Variants in ASNS observed in about 807,000 individuals in gnomAD.
ASNS encodes the protein asparagine synthetase [glutamine-hydrolyzing].
Under a neutral mutation model 62.6 loss-of-function variants are expected in ASNS, and 37 were observed. That is an observed-to-expected ratio of 0.59 (90% CI 0.45 to 0.78). ASNS has a LOEUF of 0.78. Among genes scored for constraint, ASNS ranks in the 30% least tolerant of loss-of-function variants. The probability of loss-of-function intolerance (pLI) is 0.00; values close to 1 mark genes in which losing one functional copy is unlikely to be tolerated. For synonymous variants in ASNS, 207 were observed against 237.9 expected, an observed-to-expected ratio of 0.87 and a Z score of 1.19; for missense variants, 520 against 682.4, an observed-to-expected ratio of 0.76 and a Z score of 2.65.
the ASNS span, among the ~76,000 whole-genome samples, chr7:97,915,639 C>T: frequency 2.6e-5 from 4 of 152,144 alleles, no homozygotes; most frequent in Admixed American, 6.5e-5. Flanking sequence ...TGTGGCCAGG[C>T]GTCCCTGAGG....
chr7:97,859,174 T>C (rs771959955), intron 5 of ASNS, 39 bp downstream of exon 5: 2 of 1,559,306 alleles, frequency 1.3e-6, no homozygotes, highest in Non-Finnish European at 1.7e-6. Context: ...TTTTTTCCCT[T>C]GGAGAAGGAT....
Position 97,858,126 on chromosome 7 carries a change from C to A in ASNS, c.903+152G>T, listed in dbSNP as rs538264133. The stretch of plus-strand genomic sequence containing the variant: ...AGTGTACAACACAGTGCATATCCAA[C>A]AGCCATTTCATTCTATTTTAATACA... On this transcript the variant is annotated intron_variant, in intron 7 of 12. Coordinates refer to ENST00000394308, the MANE Select transcript of ASNS (RefSeq NM_001673.5). The A allele has an allele frequency of 1.4e-5, 15 of 1,048,794 alleles. No homozygotes were observed. In the East Asian group the frequency reaches 3.4e-4, roughly 24 times the overall value. The allele number at this position is 1,048,794 out of a possible 1,614,324, so 65.0% of individuals were successfully genotyped here.
chr7:97,920,517 G>A, the ASNS span, among the ~76,000 whole-genome samples: 33 of 152,330 alleles, frequency 2.2e-4, no homozygotes, highest in South Asian at 6.2e-4. Context: ...TGCTTAGGCA[G>A]GAGCTAAGCT....
At chr7:97,880,929 G>T in the ASNS span, among the ~76,000 whole-genome samples, 1 of 86,552 alleles carries the variant, frequency 1.2e-5, no homozygotes, top group Non-Finnish European at 2.1e-5. Context: ...GTGTGTGTGT[G>T]TGTGTTTTTG....
chr7:97,899,737 T>C, the ASNS span, among the ~76,000 whole-genome samples: 1 of 152,258 alleles, frequency 6.6e-6, no homozygotes, highest in Non-Finnish European at 1.5e-5. Context: ...CTGTAGCGTA[T>C]GTACTTTCCT....
At chr7:97,880,177 T>G in the ASNS span, among the ~76,000 whole-genome samples, 6 of 149,810 alleles carry the variant, frequency 4.0e-5, no homozygotes, top group South Asian at 2.1e-4. Context: ...CAGGCTGGAG[T>G]GTAGTGGTGT....
the ASNS span, among the ~76,000 whole-genome samples, chr7:97,896,737 CACACATATATAT>C: frequency 1.1e-3 from 35 of 30,512 alleles, no homozygotes; most frequent in African/African-American, 2.4e-3. Flanking sequence ...CACACACACA[CACACATATATAT>C]ATATATATAT....
chr7:97,900,359 T>TG, the ASNS span, among the ~76,000 whole-genome samples: 4 of 58,386 alleles, frequency 6.9e-5, no homozygotes, highest in Admixed American at 6.3e-4. Flanking sequence ...AGACTTTGTC[T>TG]CAAAAAAAAA....
chr7:97,864,235 A>T, intron 4 of ASNS, 24 bp downstream of exon 4: 1 of 1,574,912 alleles, frequency 6.3e-7, no homozygotes, highest in Non-Finnish European at 8.7e-7. Context: ...AATAATGAAA[A>T]TCTATAGAAA....
upstream of ASNS, among the ~76,000 whole-genome samples, chr7:97,872,754 A>G (rs1463072579): frequency 1.3e-5 from 2 of 152,200 alleles, no homozygotes; most frequent in African/African-American, 4.8e-5. Context: ...TGCAGAGAAA[A>G]GCTTGTCCTA....
At chr7:97,885,910 A>G in the ASNS span, 13 of 559,510 alleles carry the variant, frequency 2.3e-5, no homozygotes, top group Admixed American at 1.1e-4. Flanking sequence ...CATGATGCCA[A>G]TGATGGGCTC....
chr7:97,910,863 G>A, the ASNS span, among the ~76,000 whole-genome samples: 15 of 152,310 alleles, frequency 9.8e-5, no homozygotes, highest in African/African-American at 3.6e-4. Context: ...GCCTCCCAAA[G>A]TGCTGGGATT....
intron 4 of ASNS, among the ~76,000 whole-genome samples, chr7:97,861,281 G>C (rs1260908414): frequency 6.6e-6 from 1 of 152,008 alleles, no homozygotes; most frequent in African/African-American, 2.4e-5. Context: ...CAAAGTGCTG[G>C]GATTACAGGC....
At chr7:97,900,941 T>C in the ASNS span, among the ~76,000 whole-genome samples, 10 of 152,134 alleles carry the variant, frequency 6.6e-5, no homozygotes, top group Non-Finnish European at 8.8e-5. Context: ...TTCCACATAG[T>C]CCAAAGATGA....
At chr7:97,905,655 C>G in the ASNS span, among the ~76,000 whole-genome samples, 1 of 152,184 alleles carries the variant, frequency 6.6e-6, no homozygotes, top group Non-Finnish European at 1.5e-5. Flanking sequence ...GACCCTCTTC[C>G]TCTGCCTTTC....
At chr7:97,860,666 T>C (rs1791671109) in intron 4 of ASNS, among the ~76,000 whole-genome samples, 1 of 152,164 alleles carries the variant, frequency 6.6e-6, no homozygotes, top group Admixed American at 6.5e-5. Flanking sequence ...ATTTAAAGAA[T>C]GGCAAAAAGA....
chr7:97,853,220 C>G lies in ASNS; in HGVS notation c.1321-5G>C, dbSNP rs776839239. 1.9e-6 allele frequency: 3 copies of G among 1,605,338 alleles called. No individual in the cohort carries two copies. Among genetic ancestry groups the G allele is most frequent in the Admixed American group, 3.4e-5 (2 of 58,794 alleles). On this transcript the variant is annotated splice_region_variant and splice_polypyrimidine_tract_variant and intron_variant, in intron 11 of 12. Coordinates refer to ENST00000394308, the MANE Select transcript of ASNS (RefSeq NM_001673.5). The stretch of plus-strand genomic sequence containing the variant: ...GAGATGTTTTTCTATCCCATTCTGA[C>G]GTGACAAAAAAAGGAGCATCAGGTA...
At chr7:97,878,021 T>C in the ASNS span, among the ~76,000 whole-genome samples, 1 of 152,152 alleles carries the variant, frequency 6.6e-6, no homozygotes, top group Non-Finnish European at 1.5e-5. Context: ...TGATCACGGA[T>C]GAGAGCAGCC....
chr7:97,920,369 C>A, the ASNS span, among the ~76,000 whole-genome samples: 69 of 151,966 alleles, frequency 4.5e-4, no homozygotes, highest in African/African-American at 1.6e-3. Flanking sequence ...GCCCGTCCTG[C>A]CCCCCTCCAG....
Sources: gnomAD v4.1 joint callset for allele counts (sites outside exome capture counted in the v4.1 genomes callset) on GRCh38, gnomAD v4.1.1 for gene constraint, MANE v1.5 for transcripts, NCBI Gene and HGNC (gene_info 2026-07-23, HGNC 2026-07-21) for gene names.